Variants in AGBL3 observed in about 807,000 individuals in gnomAD.
AGBL3 encodes the protein cytosolic carboxypeptidase 3.
In AGBL3, 68 loss-of-function variants were observed where a neutral mutation model predicts 94.5. The ratio of observed to expected loss-of-function variants is 0.72; its 90% CI spans 0.59 to 0.88. The LOEUF (loss-of-function observed/expected upper bound fraction) is 0.88. Among genes scored for constraint, AGBL3 ranks in the 40% least tolerant of loss-of-function variants. The pLI, the probability that AGBL3 is intolerant of heterozygous loss-of-function variation, is 0.00. For missense variants in AGBL3, 934 were observed against 1,103.8 expected, an observed-to-expected ratio of 0.85 and a Z score of 2.18; for synonymous variants, 354 against 370.7, an observed-to-expected ratio of 0.95 and a Z score of 0.52.
intron 12 of AGBL3, among the ~76,000 whole-genome samples, chr7:135,060,289 T>C (rs199856541): frequency 1.3e-5 from 2 of 152,256 alleles, no homozygotes; most frequent in East Asian, 1.9e-4. Flanking sequence ...GTAAAAATTA[T>C]ATATATTTAT....
At chr7:135,053,151 G>A (rs1200042406) in intron 11 of AGBL3, among the ~76,000 whole-genome samples, 1 of 152,126 alleles carries the variant, frequency 6.6e-6, no homozygotes. Flanking sequence ...ACATGTAGAA[G>A]GCATAGCTTC....
At chr7:135,013,669 G>T (rs1044342900) in intron 4 of AGBL3, among the ~76,000 whole-genome samples, 1 of 151,642 alleles carries the variant, frequency 6.6e-6, no homozygotes, top group Admixed American at 6.6e-5. Flanking sequence ...AGACACTTCC[G>T]CTGACAGTCA....
intron 13 of AGBL3, among the ~76,000 whole-genome samples, chr7:135,077,320 G>A (rs1430493767): frequency 6.6e-6 from 1 of 152,128 alleles, no homozygotes; most frequent in Non-Finnish European, 1.5e-5. Flanking sequence ...CCTTATCTTG[G>A]TTTGTAAAAT....
chr7:135,059,081 A>G, intron 11 of AGBL3, 88 bp from the exon 12 acceptor site: 1 of 1,047,996 alleles, frequency 9.5e-7, no homozygotes, highest in African/African-American at 1.6e-5. Context: ...GAACTTTTCA[A>G]CCATTCAAAT....
chr7:135,112,431 C>A (rs1825777126), intron 15 of AGBL3, among the ~76,000 whole-genome samples: 1 of 152,138 alleles, frequency 6.6e-6, no homozygotes, highest in Non-Finnish European at 1.5e-5. Context: ...AGTTTTGAAC[C>A]ATGTCTTCAT....
chr7:135,128,291 CAAAAAAAAAAAAAAAAAA>C (rs61217008), intron 16 of AGBL3, among the ~76,000 whole-genome samples: 2 of 58,070 alleles, frequency 3.4e-5, no homozygotes, highest in Admixed American at 3.2e-4. Flanking sequence ...GACTCCATCT[CAAAAAAAAAAAAAAAAAA>C]AAAAAAAAAA....
intron 3 of AGBL3, among the ~76,000 whole-genome samples, chr7:134,989,676 T>C (rs1809971561): frequency 6.6e-6 from 1 of 152,216 alleles, no homozygotes; most frequent in South Asian, 2.1e-4. Flanking sequence ...AAGTCATTCA[T>C]TTGCAACTGA....
intron 12 of AGBL3, 73 bp downstream of exon 12, chr7:135,059,308 G>A (rs1336039947): frequency 2.0e-6 from 2 of 1,009,590 alleles, no homozygotes; most frequent in East Asian, 3.0e-5. Flanking sequence ...TAATAATCAG[G>A]CAAAAAAAAT....
At chr7:135,021,700 T>A (rs540981452) in intron 5 of AGBL3, among the ~76,000 whole-genome samples, 1 of 150,058 alleles carries the variant, frequency 6.7e-6, no homozygotes, top group African/African-American at 2.4e-5. Context: ...ATGTGCAGAA[T>A]GTGCAGGTTT....
intron 15 of AGBL3, among the ~76,000 whole-genome samples, chr7:135,087,764 A>G (rs1360568135): frequency 1.3e-5 from 2 of 152,010 alleles, no homozygotes; most frequent in Non-Finnish European, 2.9e-5. Flanking sequence ...AGGATATTCC[A>G]TGTGCTGATG....
chr7:135,065,600 T>C (rs1819214847), intron 12 of AGBL3, among the ~76,000 whole-genome samples: 1 of 152,066 alleles, frequency 6.6e-6, no homozygotes, highest in Non-Finnish European at 1.5e-5. Context: ...CTTGAAAAAA[T>C]AGTGTTGGTG....
At chr7:135,113,393 C>T (rs1316864035) in intron 15 of AGBL3, among the ~76,000 whole-genome samples, 6 of 152,168 alleles carry the variant, frequency 3.9e-5, no homozygotes, top group Admixed American at 1.3e-4. Context: ...CTACTTTTTT[C>T]CTAGAATATT....
At chr7:135,045,615 A>G (rs944480990) in intron 10 of AGBL3, 41 bp downstream of exon 10, 2 of 1,496,818 alleles carry the variant, frequency 1.3e-6, no homozygotes, top group Non-Finnish European at 1.8e-6. Flanking sequence ...ACTCCAGCCT[A>G]TCAGATAACA....
intron 11 of AGBL3, among the ~76,000 whole-genome samples, chr7:135,048,813 C>G (rs1039418048): frequency 6.6e-6 from 1 of 150,420 alleles, no homozygotes; most frequent in Admixed American, 6.6e-5. Flanking sequence ...ATCATGTCCT[C>G]TGGAAACAGG....
intron 15 of AGBL3, among the ~76,000 whole-genome samples, chr7:135,113,522 A>G (rs1220119474): frequency 1.3e-5 from 2 of 152,222 alleles, no homozygotes; most frequent in Admixed American, 6.5e-5. Context: ...AATGTATTCT[A>G]CTTTCTCTTA....
chr7:135,052,946 T>G (rs1818011967), intron 11 of AGBL3, among the ~76,000 whole-genome samples: 1 of 152,188 alleles, frequency 6.6e-6, no homozygotes, highest in South Asian at 2.1e-4. Context: ...CATTCCATGT[T>G]GGTTATTTCG....
At chr7:135,067,751 T>C (rs1251644263) in intron 12 of AGBL3, among the ~76,000 whole-genome samples, 13 of 152,064 alleles carry the variant, frequency 8.5e-5, no homozygotes, top group Admixed American at 3.3e-4. Flanking sequence ...ATCACCATCA[T>C]CAAAGACCAA....
Position 135,037,570 on chromosome 7 carries a change from G to T in AGBL3, c.1490G>T (p.Cys497Phe). The T allele has an allele frequency of 6.5e-7, 1 of 1,538,204 alleles. No individual in the cohort carries two copies. Among genetic ancestry groups the T allele is most frequent in the Non-Finnish European group, 8.8e-7 (1 of 1,141,790 alleles). ...TTCCCACTTATGCTAAGCAAAAATTGTCCAGATAAAGTAAGCACCTTTTAA... is the reference window on the plus strand; with the variant it reads ...TTCCCACTTATGCTAAGCAAAAATTTTCCAGATAAAGTAAGCACCTTTTAA... ...RIFPLMLSKN[C>F]PDKFSFSACK... The change falls in exon 8 of 17, where the codon TGT becomes TTT. Residue 497 changes from cysteine to phenylalanine, a missense_variant. Cys to Phe is a radical substitution (Grantham distance 205). Coordinates refer to ENST00000436302, the MANE Select transcript of AGBL3 (RefSeq NM_178563.4).
At chr7:135,057,559 G>A (rs1027248930) in intron 11 of AGBL3, among the ~76,000 whole-genome samples, 3 of 152,126 alleles carry the variant, frequency 2.0e-5, no homozygotes, top group African/African-American at 4.8e-5. Context: ...AGGATGAGGA[G>A]CAACAGGAAC....
Sources: gnomAD v4.1 joint callset for allele counts (sites outside exome capture counted in the v4.1 genomes callset) on GRCh38, gnomAD v4.1.1 for gene constraint, MANE v1.5 for transcripts, NCBI Gene and HGNC (gene_info 2026-07-23, HGNC 2026-07-21) for gene names.